Variants in CBY1 observed in about 807,000 individuals in gnomAD.
CBY1 encodes chibby 1, beta catenin antagonist, also known as protein chibby homolog 1.
CBY1 carries 10 observed loss-of-function variants against 15.6 expected under a neutral mutation model. The observed-to-expected ratio is 0.64, with a 90% CI of 0.40 to 1.09. CBY1 has a LOEUF of 1.09. Among genes scored for constraint, CBY1 ranks in the 50% least tolerant of loss-of-function variants. The pLI is 0.01. For missense variants in CBY1, 150 were observed against 160.5 expected (o/e 0.93, Z 0.35); for synonymous variants, 61 against 63.5 (o/e 0.96, Z 0.19).
chr22:38,659,723 G>A (rs1433440970), intron 1 of CBY1, among the ~76,000 whole-genome samples: 1 of 151,964 alleles, frequency 6.6e-6, no homozygotes, highest in African/African-American at 2.4e-5. Context: ...TTGCCCAGGT[G>A]TGGTGGCAGG....
chr22:38,660,652 G>A (rs866468426), intron 1 of CBY1, among the ~76,000 whole-genome samples: 6 of 151,380 alleles, frequency 4.0e-5, no homozygotes, highest in African/African-American at 7.3e-5. Context: ...ACACGCAGAC[G>A]CATATACACC....
At chr22:38,661,864 G>C (rs1427602249) in intron 1 of CBY1, among the ~76,000 whole-genome samples, 1 of 152,172 alleles carries the variant, frequency 6.6e-6, no homozygotes, top group Non-Finnish European at 1.5e-5. Context: ...TCATAATGTA[G>C]TGAAGGAAGA....
Position 38,673,210 on chromosome 22 carries a change from C to G in CBY1, c.355C>G (p.Leu119Val). ...CTTAATGGAGAAGGAACTGGATGAA[C>G]TGAGGATCAGCCGGAAGAGAAAATG... is the stretch of plus-strand genomic sequence containing the variant. ...SHLMEKELDE[L>V]RISRKRK The change falls in exon 5 of 5, where the codon CTG becomes GTG. Residue 119 changes from leucine (L) to valine (V), a missense_variant. Leu to Val is a conservative substitution (Grantham distance 32). Transcript: ENST00000216029. 4.3e-6 allele frequency: 7 copies of G among 1,612,414 alleles called. No homozygotes were observed. The highest frequency in any genetic ancestry group is 5.1e-6 in the Non-Finnish European group (6 of 1,178,508).
At chr22:38,665,416 A>G (rs922995928) in intron 1 of CBY1, 5 of 370,506 alleles carry the variant, frequency 1.3e-5, no homozygotes, top group Non-Finnish European at 2.4e-5. Context: ...GTGAACAGAG[A>G]TGGTACCACT....
chr22:38,658,117 T>A (rs2092407695), intron 1 of CBY1, among the ~76,000 whole-genome samples: 1 of 151,996 alleles, frequency 6.6e-6, no homozygotes, highest in South Asian at 2.1e-4. Context: ...CAGATCTCTT[T>A]CTTTCTTTTC....
intron 1 of CBY1, among the ~76,000 whole-genome samples, chr22:38,658,131 T>C (rs773155358): frequency 2.6e-5 from 4 of 151,360 alleles, no homozygotes; most frequent in Non-Finnish European, 5.9e-5. Context: ...TCTTTTCTAT[T>C]TTTTTTTTCT....
intron 1 of CBY1, among the ~76,000 whole-genome samples, chr22:38,659,465 G>A (rs1237503108): frequency 6.6e-6 from 1 of 152,024 alleles, no homozygotes; most frequent in African/African-American, 2.4e-5. Context: ...GGCCAGGCTG[G>A]TCTCAAACTC....
In CBY1 at chr22:38,673,298, T is replaced by A; in HGVS notation, c.*62T>A. The A allele has an allele frequency of 3.8e-6, 4 of 1,041,988 alleles. No homozygotes were observed. The highest frequency in any genetic ancestry group is 4.5e-6 in the Non-Finnish European group (3 of 664,586). The allele number at this position is 1,041,988 out of a possible 1,614,324, so 64.5% of individuals were successfully genotyped here. Reference sequence around the variant, plus strand: ...CTGAGTGCTTTTTTTTTGGCCAGACTAGCGGATTCAGTCCTGGAAGAGAGT... The same window carrying A: ...CTGAGTGCTTTTTTTTTGGCCAGACAAGCGGATTCAGTCCTGGAAGAGAGT... On this transcript the variant is annotated 3_prime_UTR_variant, in exon 5 of 5. Transcript: ENST00000216029.
At chr22:38,667,844 T>C (rs2092441385) in intron 1 of CBY1, 173 bp from the exon 2 acceptor site, 10 of 588,036 alleles carry the variant, frequency 1.7e-5, no homozygotes, top group Non-Finnish European at 3.0e-5. Context: ...TCACCCCTTA[T>C]ACTGTTAAAC....
At chr22:38,661,479 T>A (rs1346089935) in intron 1 of CBY1, among the ~76,000 whole-genome samples, 1 of 152,212 alleles carries the variant, frequency 6.6e-6, no homozygotes. Flanking sequence ...TGATTGTTTT[T>A]AATTCAAACA....
Position 38,667,158 on chromosome 22 carries a change from G to A in CBY1, c.-38-859G>A, listed in dbSNP as rs118051910. Among the ~76,000 whole-genome samples, 1,483 of 151,494 alleles carry A rather than the reference G, an allele frequency of 9.8e-3. 8 individuals are homozygous for A. The highest frequency in any genetic ancestry group is 0.016 in the Non-Finnish European group (1,078 of 67,916). ...ACTGAATAGCTGAGACTACAGGCAC[G>A]CACCACCATACCTGGCTAATTTTTG... On this transcript the variant is annotated intron_variant, in intron 1 of 4. Coordinates refer to ENST00000216029, the MANE Select transcript of CBY1 (RefSeq NM_015373.4).
In CBY1 at chr22:38,663,839, T is replaced by C. The variant is rs139005576; in HGVS notation, c.-38-4178T>C. Among the ~76,000 whole-genome samples the C allele has an allele frequency of 8.1e-3, 1,224 of 150,878 alleles. 11 individuals carry two copies. The highest frequency in any genetic ancestry group is 0.013 in the Non-Finnish European group (876 of 67,838). ...GAGTTCGAGACCAGCCTGGCCAACA[T>C]GGCAAAACCCCATCTCTACTAAAAA... is the stretch of plus-strand genomic sequence containing the variant. On this transcript the variant is annotated intron_variant, in intron 1 of 4. Coordinates refer to ENST00000216029, the MANE Select transcript of CBY1 (RefSeq NM_015373.4).
At chr22:38,669,738 G>C (rs4821809) in intron 2 of CBY1, 44,281 of 151,784 alleles carry the variant, frequency 0.29, 6,496 homozygotes, top group East Asian at 0.36. Flanking sequence ...CTGGTCATAC[G>C]CATCCCTGGA....
chr22:38,671,242 AC>A, intron 4 of CBY1, 54 bp downstream of exon 4: 2 of 1,289,270 alleles, frequency 1.6e-6, no homozygotes, highest in Non-Finnish European at 2.3e-6. Context: ...GGGAGGCTCC[AC>A]CTCGAGTCAC....
chr22:38,660,256 G>T (rs1053132048), intron 1 of CBY1, among the ~76,000 whole-genome samples: 1 of 151,286 alleles, frequency 6.6e-6, no homozygotes, highest in African/African-American at 2.4e-5. Flanking sequence ...GTGCAGTGGC[G>T]TGATCTTGGC....
chr22:38,673,774 C>G lies in CBY1; in HGVS notation c.*538C>G, dbSNP rs181640844. On this transcript the variant is annotated 3_prime_UTR_variant, in exon 5 of 5. Transcript: ENST00000216029. ...TCAGCTTCTCAGCAGCAAGCACCAG[C>G]CTTCCACAACAACACTATATTTTTA... 7.2e-5 allele frequency: 11 copies of G among 153,212 alleles called. No homozygotes were observed. Among genetic ancestry groups the G allele is most frequent in the Admixed American group, 5.8e-4 (9 of 15,446 alleles). The allele number at this position is 153,212 out of a possible 1,614,324, so 9.5% of individuals were successfully genotyped here. A position where few individuals can be genotyped will look rare whatever the true frequency, so the allele number is the denominator to read the frequency against.
chr22:38,657,835 T>C (rs2092405594), intron 1 of CBY1, among the ~76,000 whole-genome samples: 1 of 152,172 alleles, frequency 6.6e-6, no homozygotes, highest in African/African-American at 2.4e-5. Flanking sequence ...TTGACTTATT[T>C]CTCCTTCTTC....
In CBY1 at chr22:38,673,790, T is replaced by A. The variant is rs1254513692; in HGVS notation, c.*554T>A. 6.5e-6 allele frequency: 1 copy of A among 152,680 alleles called. No homozygotes were observed. The highest frequency in any genetic ancestry group is 6.5e-5 in the Admixed American group (1 of 15,320). The allele number at this position is 152,680 out of a possible 1,614,324, so 9.5% of individuals were successfully genotyped here. On this transcript the variant is annotated 3_prime_UTR_variant, in exon 5 of 5. Transcript: ENST00000216029. ...AAGCACCAGCCTTCCACAACAACAC[T>A]ATATTTTTATGCTACTTTCCTGTTT...
rs753966590 is a variant in CBY1 at position 38,671,138 on chromosome 22, G to A, written c.253G>A (p.Glu85Lys). 3.1e-6 allele frequency: 5 copies of A among 1,614,246 alleles called. No homozygotes were observed. In the Admixed American group the frequency reaches 6.7e-5, roughly 22 times the overall value. The change falls in exon 4 of 5, where the codon GAG becomes AAG. Residue 85 changes from glutamate to lysine, a missense_variant. By Grantham distance (56) the Glu-to-Lys change is moderately conservative (BLOSUM62 1). Coordinates refer to ENST00000216029, the MANE Select transcript of CBY1 (RefSeq NM_015373.4). ...CCTTCGCAGGCGGAACCAGCAGTTGGAGGAAGAGAACAATCTCTTGCGGCT... is the reference window on the plus strand; with the variant it reads ...CCTTCGCAGGCGGAACCAGCAGTTGAAGGAAGAGAACAATCTCTTGCGGCT... ...QRLRRRNQQL[E>K]EENNLLRLKV...
Sources: gnomAD v4.1 joint callset for allele counts (sites outside exome capture counted in the v4.1 genomes callset) on GRCh38, gnomAD v4.1.1 for gene constraint, MANE v1.5 for transcripts, NCBI Gene and HGNC (gene_info 2026-07-23, HGNC 2026-07-21) for gene names.